Variants in CFAP77 observed in about 807,000 individuals in gnomAD.
CFAP77 encodes cilia and flagella associated protein 77.
A neutral mutation model predicts 31.1 loss-of-function variants in CFAP77; 25 were observed. That is an observed-to-expected ratio of 0.80 (90% confidence interval 0.59 to 1.12). The LOEUF (loss-of-function observed/expected upper bound fraction) is 1.12. CFAP77 is among the 50% of genes most tolerant of loss of function. The pLI, the probability that CFAP77 is intolerant of heterozygous loss-of-function variation, is 0.00. For synonymous variants in CFAP77, 151 were observed against 159.9 expected (o/e 0.94, Z 0.42); for missense variants, 377 against 397.3 (o/e 0.95, Z 0.44).
intron 3 of CFAP77, among the ~76,000 whole-genome samples, chr9:132,522,160 G>A (rs895610267): frequency 6.6e-6 from 1 of 152,196 alleles, no homozygotes; most frequent in South Asian, 2.1e-4. Context: ...GACGGTGTCT[G>A]GGAAAGTCTG....
chr9:132,545,648 G>C lies in CFAP77; in HGVS notation c.732+2601G>C, dbSNP rs1043913788. Among the ~76,000 whole-genome samples, 3 of 152,210 alleles carry C rather than the reference G, an allele frequency of 2.0e-5. No homozygotes were observed. The highest frequency in any genetic ancestry group is 3.8e-4 in the East Asian group (2 of 5,200). ...CCCAGCAGAGACCCTTAGACACACAGAGTGCTGCCGTTATGGGTGTCACAC... is the reference window on the plus strand; with the variant it reads ...CCCAGCAGAGACCCTTAGACACACACAGTGCTGCCGTTATGGGTGTCACAC... On this transcript the variant is annotated intron_variant, in intron 5 of 5. Transcript: ENST00000393216. The surrounding 1 kb of genome is among the most constrained non-coding windows in gnomAD (Gnocchi z 4.6).
At position 132,565,809 on chromosome 9, in the gene CFAP77, G is replaced by T. The variant is rs1281728014; in HGVS notation, c.733-6579G>T. Among the ~76,000 whole-genome samples the T allele has an allele frequency of 6.6e-6, 1 of 152,178 alleles. No individual in the cohort carries two copies. The highest frequency in any genetic ancestry group is 2.4e-5 in the African/African-American group (1 of 41,444). On this transcript the variant is annotated intron_variant, in intron 5 of 5. Coordinates refer to ENST00000393216, the MANE Select transcript of CFAP77 (RefSeq NM_001282957.2). The surrounding 1 kb of genome is among the most constrained non-coding windows in gnomAD (Gnocchi z 4.1). Reference sequence around the variant, plus strand: ...GTCCTTATTTCTGCGATGCCATTTAGATTTGTGCAATGCTCCCCATTCTAA... The same window carrying T: ...GTCCTTATTTCTGCGATGCCATTTATATTTGTGCAATGCTCCCCATTCTAA...
rs1289797751 is a variant in CFAP77 at position 132,556,566 on chromosome 9, A to C, written c.732+13519A>C. Reference sequence around the variant, plus strand: ...TGAAAAGTCTGGAAAACACACACACACTCTCTCCCACCCCACCCCCCGAGC... The same window carrying C: ...TGAAAAGTCTGGAAAACACACACACCCTCTCTCCCACCCCACCCCCCGAGC... On this transcript the variant is annotated intron_variant, in intron 5 of 5. Transcript: ENST00000393216. Among the ~76,000 whole-genome samples, 8 of 150,704 alleles carry C rather than the reference A, an allele frequency of 5.3e-5. 1 individual carries two copies.
At chr9:132,425,901 C>A (rs1012995116) in intron 1 of CFAP77, among the ~76,000 whole-genome samples, 24 of 152,278 alleles carry the variant, frequency 1.6e-4, no homozygotes, top group African/African-American at 5.5e-4. Context: ...ACTCAGACGG[C>A]CCTCTCCCTG....
intron 5 of CFAP77, among the ~76,000 whole-genome samples, chr9:132,562,487 C>G (rs1234580742): frequency 6.6e-6 from 1 of 152,094 alleles, no homozygotes; most frequent in East Asian, 1.9e-4. Flanking sequence ...TTTTTCATAT[C>G]AAGGAAATCA....
At chr9:132,473,937 C>T (rs1851304890) in intron 1 of CFAP77, among the ~76,000 whole-genome samples, 1 of 152,172 alleles carries the variant, frequency 6.6e-6, no homozygotes, top group Admixed American at 6.5e-5. Flanking sequence ...CCTGCCTCGG[C>T]CTCCCAAAGT....
At chr9:132,479,880 G>A (rs1851417375) in intron 1 of CFAP77, among the ~76,000 whole-genome samples, 1 of 152,174 alleles carries the variant, frequency 6.6e-6, no homozygotes, top group African/African-American at 2.4e-5. Context: ...CAGGCTCAAG[G>A]GTGAGGTCCT....
At chr9:132,523,387 C>A (rs1212386073) in intron 3 of CFAP77, among the ~76,000 whole-genome samples, 1 of 152,218 alleles carries the variant, frequency 6.6e-6, no homozygotes, top group East Asian at 1.9e-4. Context: ...CTGCGCCCGA[C>A]CTTCCAGTCT....
intron 1 of CFAP77, among the ~76,000 whole-genome samples, chr9:132,417,676 G>C (rs1225420106): frequency 6.6e-6 from 1 of 152,220 alleles, no homozygotes; most frequent in Non-Finnish European, 1.5e-5. Context: ...GGAGAGTTTT[G>C]AGGGTTCAGT....
At chr9:132,483,865 C>A (rs1006656231) in intron 1 of CFAP77, among the ~76,000 whole-genome samples, 4 of 152,110 alleles carry the variant, frequency 2.6e-5, no homozygotes, top group South Asian at 4.1e-4. Context: ...GTCCTCCCAT[C>A]CTTAAGGGAG....
intron 5 of CFAP77, among the ~76,000 whole-genome samples, chr9:132,563,601 T>C (rs550804004): frequency 6.6e-6 from 1 of 152,342 alleles, no homozygotes; most frequent in African/African-American, 2.4e-5. Flanking sequence ...CATGCACATC[T>C]CTTAGTGGAC....
intron 1 of CFAP77, among the ~76,000 whole-genome samples, chr9:132,438,541 A>ATATATATATATATATGTATTT: frequency 1.8e-5 from 2 of 108,154 alleles, no homozygotes; most frequent in African/African-American, 8.1e-5. Flanking sequence ...ATATATATAT[A>ATATATATATATATATGTATTT]TTTTTTTTTT....
intron 1 of CFAP77, among the ~76,000 whole-genome samples, chr9:132,464,675 A>G (rs1851119826): frequency 6.6e-6 from 1 of 152,084 alleles, no homozygotes; most frequent in Non-Finnish European, 1.5e-5. Context: ...AGTGTACTTT[A>G]CACTCACTGC....
rs143041905 is a variant in CFAP77 at position 132,476,878 on chromosome 9, G to A, written c.196-21817G>A. On this transcript the variant is annotated intron_variant, in intron 1 of 5. Transcript: ENST00000393216. The stretch of plus-strand genomic sequence containing the variant: ...CCTTCATTTCAGACTTCTGGCTTCC[G>A]GAGCGGTGAGATTTCTGCTGCCTTC... 3.4e-3 allele frequency among the ~76,000 whole-genome samples: 515 copies of A among 152,256 alleles called. 3 individuals are homozygous for A. Among genetic ancestry groups the A allele is most frequent in the African/African-American group, 0.011 (474 of 41,550 alleles).
chr9:132,473,987 C>T (rs1428519374), intron 1 of CFAP77, among the ~76,000 whole-genome samples: 1 of 152,122 alleles, frequency 6.6e-6, no homozygotes. Flanking sequence ...CTGGGCTGAT[C>T]TTGGCTTTCT....
rs1266603096 is a variant in CFAP77, at chr9:132,552,678, A to G, written c.732+9631A>G. Among the ~76,000 whole-genome samples the G allele has an allele frequency of 6.9e-6, 1 of 145,496 alleles. No homozygotes were observed. Among genetic ancestry groups the G allele is most frequent in the Admixed American group, 7.0e-5 (1 of 14,316 alleles). On this transcript the variant is annotated intron_variant, in intron 5 of 5. Coordinates refer to ENST00000393216, the MANE Select transcript of CFAP77 (RefSeq NM_001282957.2). This position sits in a 1 kb window ranked among gnomAD's most constrained non-coding sequence, Gnocchi z 5.5. Reference sequence around the variant, plus strand: ...GCCACTGCACTCCAGCCCAGGTGACAGGGTGAGACTCCATCTCAAAAAAAA... The same window carrying G: ...GCCACTGCACTCCAGCCCAGGTGACGGGGTGAGACTCCATCTCAAAAAAAA...
Position 132,564,967 on chromosome 9 carries a change from G to A in CFAP77, c.733-7421G>A, listed in dbSNP as rs536311191. On this transcript the variant is annotated intron_variant, in intron 5 of 5. Coordinates refer to ENST00000393216, the MANE Select transcript of CFAP77 (RefSeq NM_001282957.2). This position sits in a 1 kb window ranked among gnomAD's most constrained non-coding sequence, Gnocchi z 4.6. ...CCTGGGAGGGTCACTTCTCACCTTCGGGCCTTGGGTTTTCCATCTGTAGTA... is the reference window on the plus strand; with the variant it reads ...CCTGGGAGGGTCACTTCTCACCTTCAGGCCTTGGGTTTTCCATCTGTAGTA... Among the ~76,000 whole-genome samples the A allele has an allele frequency of 3.0e-4, 45 of 152,152 alleles. No homozygotes were observed. Among genetic ancestry groups the A allele is most frequent in the African/African-American group, 9.9e-4 (41 of 41,508 alleles).
intron 1 of CFAP77, chr9:132,482,233 A>G: frequency 2.5e-6 from 2 of 812,720 alleles, no homozygotes; most frequent in Non-Finnish European, 3.9e-6. Flanking sequence ...AAATCTGCTC[A>G]CTCAGGGTCT....
In CFAP77 at chr9:132,549,609, G is replaced by A. The variant is rs529231069; in HGVS notation, c.732+6562G>A. ...TCCCAGCACTTTGGGAGGCTGAGGC[G>A]GGTGGATCACCTGAGGTCAGGAGTT... On this transcript the variant is annotated intron_variant, in intron 5 of 5. Transcript: ENST00000393216. Among the ~76,000 whole-genome samples the A allele has an allele frequency of 5.3e-5, 8 of 152,302 alleles. No individual in the cohort carries two copies. In the South Asian group the frequency reaches 1.2e-3, roughly 24 times the overall value.
Sources: allele counts gnomAD v4.1 joint callset (sites outside exome capture counted in the v4.1 genomes callset), GRCh38; gene constraint gnomAD v4.1.1; non-coding constraint Gnocchi (gnomAD v3.1); transcripts MANE v1.5; gene names NCBI Gene and HGNC (gene_info 2026-07-23, HGNC 2026-07-21).